The following ZFP37 variants were observed in gnomAD, a reference collection of about 807,000 sequenced individuals.
ZFP37 encodes ZFP37 zinc finger protein.
A neutral mutation model predicts 52.1 loss-of-function variants in ZFP37; 38 were observed. The ratio of observed to expected loss-of-function variants is 0.73; its 90% CI spans 0.56 to 0.96. ZFP37 has a LOEUF of 0.96. Ranked by LOEUF, ZFP37 falls within the 40% of genes least tolerant of loss-of-function variation. The pLI is 0.00. For missense variants in ZFP37, 695 were observed against 741.4 expected, an observed-to-expected ratio of 0.94 and a Z score of 0.73; for synonymous variants, 253 against 259.5, an observed-to-expected ratio of 0.98 and a Z score of 0.24.
In ZFP37 at chr9:113,050,399, G is replaced by A. The variant is rs1829034590; in HGVS notation, c.133-527C>T. ...AGACCCTGTCTCGACAAACAGAAAT[G>A]TCCCTATTGTGAATTTATTTATTCA... On this transcript the variant is annotated intron_variant, in intron 1 of 3. Transcript: ENST00000374227. Among the ~76,000 whole-genome samples the A allele has an allele frequency of 2.0e-5, 3 of 148,280 alleles. No individual in the cohort carries two copies. The Admixed American group carries it at 2.1e-4, about 10-fold the overall frequency.
intron 3 of ZFP37, among the ~76,000 whole-genome samples, chr9:113,046,184 ATATC>A (rs1004209516): frequency 9.4e-5 from 14 of 148,202 alleles, no homozygotes; most frequent in African/African-American, 2.2e-4. Flanking sequence ...AGACAGATAT[ATATC>A]TATATATGTA....
chr9:113,044,316 T>C (rs1400948914), intron 3 of ZFP37, 48 bp from the exon 4 acceptor site: 10 of 1,480,070 alleles, frequency 6.8e-6, no homozygotes, highest in Non-Finnish European at 8.1e-6. Context: ...TGTACTCTTA[T>C]ATTTTGGAAT....
chr9:113,044,421 G>A (rs1481300551), intron 3 of ZFP37, among the ~76,000 whole-genome samples, 153 bp from the exon 4 acceptor site: 1 of 152,114 alleles, frequency 6.6e-6, no homozygotes, highest in African/African-American at 2.4e-5. Flanking sequence ...ATGGACTTGA[G>A]GGGGAAAATG....
chr9:113,051,620 A>G (rs1829059276), intron 1 of ZFP37, among the ~76,000 whole-genome samples: 2 of 151,946 alleles, frequency 1.3e-5, no homozygotes, highest in Non-Finnish European at 2.9e-5. Context: ...TGCCTGACTG[A>G]TTTTTAAATT....
Position 113,049,502 on chromosome 9 carries a change from C to T in ZFP37, c.215-6G>A, listed in dbSNP as rs1407236518. ...TGGTTTGGGAGCTTGACACCCTGCTCATGAGAAATAGCAGAAACTGAGTGT... is the reference window on the plus strand; with the variant it reads ...TGGTTTGGGAGCTTGACACCCTGCTTATGAGAAATAGCAGAAACTGAGTGT... On this transcript the variant is annotated splice_polypyrimidine_tract_variant and splice_region_variant and intron_variant, in intron 2 of 3. Coordinates refer to ENST00000374227, the MANE Select transcript of ZFP37 (RefSeq NM_003408.3). The T allele has an allele frequency of 1.2e-6, 2 of 1,610,582 alleles. No individual in the cohort carries two copies. The highest frequency in any genetic ancestry group is 3.3e-4 in the Middle Eastern group (2 of 6,060).
At chr9:113,049,620 G>C (rs979400495) in intron 2 of ZFP37, 124 bp from the exon 3 acceptor site, 3 of 1,446,492 alleles carry the variant, frequency 2.1e-6, no homozygotes, top group African/African-American at 2.9e-5. Flanking sequence ...TGAATGCCAG[G>C]TCAGCTAAAT....
At position 113,039,202 on chromosome 9, in the gene ZFP37, C is replaced by T. The variant is rs1470816409; in HGVS notation, c.*3523G>A. The T allele has an allele frequency of 6.6e-6, 1 of 152,096 alleles. No individual in the cohort carries two copies. The highest frequency in any genetic ancestry group is 1.5e-5 in the Non-Finnish European group (1 of 68,016). The allele number at this position is 152,096 out of a possible 1,614,324, so 9.4% of individuals were successfully genotyped here. A position where few individuals can be genotyped will look rare whatever the true frequency, so the allele number is the denominator to read the frequency against. Reference sequence around the variant, plus strand: ...CGATGGACTGCCGACCATCATAAGGCTTTGATGTATACTGTCAGATTTACA... The same window carrying T: ...CGATGGACTGCCGACCATCATAAGGTTTTGATGTATACTGTCAGATTTACA... On this transcript the variant is annotated 3_prime_UTR_variant, in exon 4 of 4. Coordinates refer to ENST00000374227, the MANE Select transcript of ZFP37 (RefSeq NM_003408.3).
At chr9:113,047,772 CTG>C (rs1828984418) in intron 3 of ZFP37, among the ~76,000 whole-genome samples, 1 of 152,080 alleles carries the variant, frequency 6.6e-6, no homozygotes, top group South Asian at 2.1e-4. Context: ...AGAGCACACC[CTG>C]ATAAAAACAG....
In ZFP37 at chr9:113,042,824, T is replaced by C. The variant is rs1257468565; in HGVS notation, c.1794A>G (p.Glu598=). Residue 598 remains glutamate (E), a synonymous_variant, in exon 4 of 4, where the codon GAA becomes GAG. Coordinates refer to ENST00000374227, the MANE Select transcript of ZFP37 (RefSeq NM_003408.3). The stretch of plus-strand genomic sequence containing the variant: ...CACATTCATTACATTCATAGGGTTT[T>C]TCTCCAGTGTGGGATCGCTGATGTA... ...LVIHQRSHTG[E]KPYECNECGK... is the part of the protein sequence containing the mutation. The C allele has an allele frequency of 9.3e-6, 15 of 1,613,454 alleles. No individual in the cohort carries two copies. The highest frequency in any genetic ancestry group is 1.3e-5 in the Non-Finnish European group (15 of 1,179,762).
rs1828890666 is a variant in ZFP37, at chr9:113,043,425, G to A, written c.1193C>T (p.Ser398Phe). The change falls in exon 4 of 4, where the codon TCT becomes TTT. Residue 398 changes from serine (S) to phenylalanine (F), a missense_variant. Physicochemically the swap from Ser to Phe is radical, Grantham distance 155 (BLOSUM62 -2). This residue lies in a region of ZFP37 where 326 missense variants were observed against 400.5 expected (regional missense o/e 0.81). Coordinates refer to ENST00000374227, the MANE Select transcript of ZFP37 (RefSeq NM_003408.3). ...TTCATATGGCTTCTCACCTGTGTGA[G>A]ATCTCACATGTTGAATAAGGTTTGA... ...HSSNLIQHVR[S>F]HTGEKPYECK... 2 of 1,614,044 alleles carry A rather than the reference G, an allele frequency of 1.2e-6. No homozygotes were observed. The highest frequency in any genetic ancestry group is 8.5e-7 in the Non-Finnish European group (1 of 1,179,966).
chr9:113,054,162 C>A (rs754841601), intron 1 of ZFP37, among the ~76,000 whole-genome samples: 1 of 152,166 alleles, frequency 6.6e-6, no homozygotes, highest in African/African-American at 2.4e-5. Flanking sequence ...TACATACTGA[C>A]AAAATCAAAT....
chr9:113,048,774 C>T (rs1191929538), intron 3 of ZFP37, among the ~76,000 whole-genome samples: 1 of 152,152 alleles, frequency 6.6e-6, no homozygotes, highest in Non-Finnish European at 1.5e-5. Flanking sequence ...AAGGATTATA[C>T]GTTCCTACCA....
At chr9:113,054,119 AAG>A (rs1467456220) in intron 1 of ZFP37, among the ~76,000 whole-genome samples, 1 of 152,172 alleles carries the variant, frequency 6.6e-6, no homozygotes, top group Non-Finnish European at 1.5e-5. Flanking sequence ...ACTCCAATAA[AAG>A]AGTTCTAATC....
rs754466221 is a variant in ZFP37 at position 113,043,753 on chromosome 9, A to T, written c.865T>A (p.Cys289Ser). Residue 289 changes from cysteine (C) to serine (S), a missense_variant, in exon 4 of 4, where the codon TGT (cysteine) becomes AGT (serine). Transcript: ENST00000374227. The stretch of plus-strand genomic sequence containing the variant: ...TGATTACATTCATAGGGTTTCACAC[A>T]AGCTTGAGGTTTTTCATGCTTAGTA... ...SSTKHEKPQA[C>S]VKPYECNQCG... The T allele has an allele frequency of 6.2e-7, 1 of 1,614,024 alleles. No homozygotes were observed. The highest frequency in any genetic ancestry group is 8.5e-7 in the Non-Finnish European group (1 of 1,179,976).
Position 113,041,099 on chromosome 9 carries a change from T to A in ZFP37, c.*1626A>T, listed in dbSNP as rs1828838947. ...CAGGGATTACAGCATGCCCAGATAA[T>A]TTTTTGTATTTTTAGTAGAGATGGG... On this transcript the variant is annotated 3_prime_UTR_variant, in exon 4 of 4. Transcript: ENST00000374227. 1 of 151,986 alleles carries A rather than the reference T, an allele frequency of 6.6e-6. No individual in the cohort carries two copies. Among genetic ancestry groups the A allele is most frequent in the Non-Finnish European group, 1.5e-5 (1 of 67,978 alleles). 9.4% of individuals were successfully genotyped at this position (151,986 alleles called of 1,614,324 possible).
intron 1 of ZFP37, among the ~76,000 whole-genome samples, chr9:113,055,507 C>G (rs1408690954): frequency 6.6e-6 from 1 of 152,138 alleles, no homozygotes; most frequent in Admixed American, 6.5e-5. Flanking sequence ...GAGGACAAAG[C>G]AGGGACTGCA....
At chr9:113,056,247 C>T (rs1052834616) in intron 1 of ZFP37, among the ~76,000 whole-genome samples, 1 of 152,110 alleles carries the variant, frequency 6.6e-6, no homozygotes, top group African/African-American at 2.4e-5. Context: ...AAACCGCCAA[C>T]CCCCACGGTC....
At chr9:113,046,697 A>G (rs549128671) in intron 3 of ZFP37, among the ~76,000 whole-genome samples, 77 of 152,236 alleles carry the variant, frequency 5.1e-4, no homozygotes, top group Non-Finnish European at 9.4e-4. Flanking sequence ...TAACTAAAAC[A>G]TAAATGCTAA....
chr9:113,046,304 A>G (rs921109265), intron 3 of ZFP37, among the ~76,000 whole-genome samples: 3 of 151,332 alleles, frequency 2.0e-5, no homozygotes, highest in African/African-American at 7.3e-5. Flanking sequence ...TAGGGAGTCT[A>G]GAGAAGTGCA....
Sources: allele counts gnomAD v4.1 joint callset (sites outside exome capture counted in the v4.1 genomes callset), GRCh38; gene constraint gnomAD v4.1.1; regional missense constraint gnomAD v4.1.1; transcripts MANE v1.5; gene names NCBI Gene and HGNC (gene_info 2026-07-23, HGNC 2026-07-21).